The following TMPRSS7 variants were observed in gnomAD, a reference collection of about 807,000 sequenced individuals.
TMPRSS7 encodes transmembrane serine protease 7, also known as transmembrane protease serine 7.
A neutral mutation model predicts 95.6 loss-of-function variants in TMPRSS7; 81 were observed. The observed-to-expected ratio is 0.85, with a 90% CI of 0.71 to 1.02. The LOEUF is 1.02. TMPRSS7 is among the 50% of genes least tolerant of loss of function. The pLI, the probability that TMPRSS7 is intolerant of heterozygous loss-of-function variation, is 0.00. For synonymous variants in TMPRSS7, 364 were observed against 337.8 expected (o/e 1.08, Z -0.85); for missense variants, 945 against 955.2 (o/e 0.99, Z 0.14).
intron 9 of TMPRSS7, among the ~76,000 whole-genome samples, chr3:112,054,948 C>G (rs1254583259): frequency 6.6e-6 from 1 of 151,832 alleles, no homozygotes; most frequent in Non-Finnish European, 1.5e-5. Flanking sequence ...ACCGTGTTAG[C>G]CTGGATGGTC....
At chr3:112,080,809 C>A in intron 17 of TMPRSS7, 105 bp from the exon 18 acceptor site, 2 of 1,125,280 alleles carry the variant, frequency 1.8e-6, no homozygotes, top group Non-Finnish European at 2.4e-6. Flanking sequence ...CAAGCAAAAA[C>A]ATGTCATTAG....
exon 13 of TMPRSS7, chr3:112,066,416 C>A: frequency 6.2e-7 from 1 of 1,613,984 alleles, no homozygotes; most frequent in Non-Finnish European, 8.5e-7. Context: ...GCCTGCAATA[C>A]CAGCTCCTTC....
intron 10 of TMPRSS7, among the ~76,000 whole-genome samples, chr3:112,059,944 C>G (rs2073478725): frequency 6.6e-6 from 1 of 152,154 alleles, no homozygotes; most frequent in African/African-American, 2.4e-5. Flanking sequence ...TATTGGGGAA[C>G]CTGCCCCCGA....
At chr3:112,065,323 C>T (rs1438103210) in intron 12 of TMPRSS7, among the ~76,000 whole-genome samples, 8 of 152,250 alleles carry the variant, frequency 5.3e-5, no homozygotes, top group East Asian at 1.9e-4. Context: ...ATTACAGGCA[C>T]GAGCCACCAT....
At chr3:112,072,149 G>C (rs2073656380) in intron 13 of TMPRSS7, among the ~76,000 whole-genome samples, 1 of 151,574 alleles carries the variant, frequency 6.6e-6, no homozygotes, top group Admixed American at 6.6e-5. Context: ...TGTCCCTTTT[G>C]TTGATGTTGA....
At chr3:112,058,740 T>A (rs909079160) in intron 10 of TMPRSS7, among the ~76,000 whole-genome samples, 13 of 152,252 alleles carry the variant, frequency 8.5e-5, no homozygotes, top group African/African-American at 2.9e-4. Context: ...AACTATTTTA[T>A]CCCTAAATCA....
At chr3:112,052,431 G>C (rs1195308011) in intron 9 of TMPRSS7, among the ~76,000 whole-genome samples, 2 of 151,940 alleles carry the variant, frequency 1.3e-5, no homozygotes, top group Non-Finnish European at 2.9e-5. Context: ...ACCCAAACCT[G>C]TAAGTTGGTG....
intron 15 of TMPRSS7, 71 bp downstream of exon 15, chr3:112,075,563 T>G (rs2073702144): frequency 1.8e-5 from 23 of 1,270,766 alleles, no homozygotes; most frequent in Non-Finnish European, 2.2e-5. Context: ...CCTCAAATTG[T>G]GGGAAGCAGA....
At chr3:112,075,390 C>A in exon 15 of TMPRSS7, 1 of 1,527,722 alleles carries the variant, frequency 6.5e-7, no homozygotes, top group Non-Finnish European at 8.8e-7. Flanking sequence ...GGGGGTTGGC[C>A]GTGGCAGGTC....
Position 112,035,740 on chromosome 3 carries a change from T to C in TMPRSS7, c.48+847T>C, listed in dbSNP as rs766641490. Among the ~76,000 whole-genome samples, 66 of 152,258 alleles carry C rather than the reference T, an allele frequency of 4.3e-4. 1 individual carries two copies. The highest frequency in any genetic ancestry group is 3.4e-3 in the Middle Eastern group (1 of 294). On this transcript the variant is annotated intron_variant, in intron 1 of 17. Transcript: ENST00000452346. ...GAAGCTAAACTCTTGAATACATTAT[T>C]AAAGAATTCACAGCATCAAATAGCA...
chr3:112,047,081 T>C, intron 6 of TMPRSS7, 69 bp downstream of exon 6: 1 of 695,250 alleles, frequency 1.4e-6, no homozygotes, highest in South Asian at 1.5e-5. Context: ...TTTCATTTTC[T>C]AATTGATGGT....
intron 9 of TMPRSS7, among the ~76,000 whole-genome samples, chr3:112,056,324 G>T (rs1156604520): frequency 2.0e-5 from 3 of 152,132 alleles, no homozygotes; most frequent in Non-Finnish European, 4.4e-5. Flanking sequence ...AAAAATGGAT[G>T]AACCCAAATT....
chr3:112,050,066 C>T (rs1257065794), intron 8 of TMPRSS7, 92 bp downstream of exon 8: 3 of 1,285,448 alleles, frequency 2.3e-6, no homozygotes, highest in Non-Finnish European at 3.1e-6. Context: ...TTGTAATATT[C>T]ATTGTATTAG....
rs534102798 is a variant in TMPRSS7, at chr3:112,061,029, C to G, written c.1311-758C>G. Among the ~76,000 whole-genome samples the G allele has an allele frequency of 1.7e-4, 26 of 152,196 alleles. No individual in the cohort carries two copies. The South Asian group carries it at 2.5e-3, about 15-fold the overall frequency. ...CCCTGACTTCCCACAACAATTACCC[C>G]CAAGCCTTGTGTCTGCTGTCTCCCA... On this transcript the variant is annotated intron_variant, in intron 10 of 17. Transcript: ENST00000452346.
rs773255037 is a variant in TMPRSS7 at position 112,075,500 on chromosome 3, C to T, written c.1955+8C>T. On this transcript the variant is annotated splice_region_variant and intron_variant, in intron 15 of 17. Coordinates refer to ENST00000452346, the Ensembl canonical transcript of TMPRSS7. Reference sequence around the variant, plus strand: ...CTGTTTTCATGGAAACAGGTAGGGCCTCACGGTCCTTACTTTCAAGTGGCA... The same window carrying T: ...CTGTTTTCATGGAAACAGGTAGGGCTTCACGGTCCTTACTTTCAAGTGGCA... 5.6e-6 allele frequency: 8 copies of T among 1,431,520 alleles called. No homozygotes were observed. In the East Asian group the frequency reaches 1.9e-4, roughly 34 times the overall value. 88.7% of individuals were successfully genotyped at this position (1,431,520 alleles called of 1,614,324 possible). A position where few individuals can be genotyped will look rare whatever the true frequency, so the allele number is the denominator to read the frequency against.
chr3:112,050,837 G>A, intron 9 of TMPRSS7, 54 bp downstream of exon 9: 2 of 856,694 alleles, frequency 2.3e-6, no homozygotes, highest in Non-Finnish European at 3.6e-6. Flanking sequence ...ATTTTTAATA[G>A]CATGAATTTC....
At chr3:112,042,656 C>T (rs761399895) in intron 3 of TMPRSS7, among the ~76,000 whole-genome samples, 12 of 152,152 alleles carry the variant, frequency 7.9e-5, no homozygotes, top group South Asian at 4.1e-4. Context: ...TTGCATGCTT[C>T]TATGCACGTA....
At chr3:112,077,175 C>T in intron 16 of TMPRSS7, 31 bp downstream of exon 16, 1 of 1,605,206 alleles carries the variant, frequency 6.2e-7, no homozygotes, top group Non-Finnish European at 8.5e-7. Context: ...TCATGCCCTT[C>T]CCCTGCAGAG....
chr3:112,045,142 T>G (rs951908605), intron 4 of TMPRSS7, among the ~76,000 whole-genome samples: 1 of 152,164 alleles, frequency 6.6e-6, no homozygotes, highest in Non-Finnish European at 1.5e-5. Context: ...AACATTGTAA[T>G]GGTTTTAATT....
Sources: gnomAD v4.1 joint callset for allele counts (sites outside exome capture counted in the v4.1 genomes callset) on GRCh38, gnomAD v4.1.1 for gene constraint, MANE v1.5 for transcripts, NCBI Gene and HGNC (gene_info 2026-07-23, HGNC 2026-07-21) for gene names.